Variants in INPP4A observed in about 807,000 individuals in gnomAD.
INPP4A encodes the protein inositol polyphosphate-4-phosphatase, type I, 107kD.
In INPP4A, 33 loss-of-function variants were observed where a neutral mutation model predicts 119.8. The observed-to-expected ratio is 0.28, with a 90% confidence interval of 0.21 to 0.37. The LOEUF (loss-of-function observed/expected upper bound fraction) is 0.37, where lower values mean the gene tolerates loss of function less well. Among genes scored for constraint, INPP4A ranks in the 10% least tolerant of loss-of-function variants. The pLI, the probability that INPP4A is intolerant of heterozygous loss-of-function variation, is 1.00. For missense variants in INPP4A, 956 were observed against 1,289.9 expected, an observed-to-expected ratio of 0.74 and a Z score of 3.97; for synonymous variants, 496 against 500.7, an observed-to-expected ratio of 0.99 and a Z score of 0.12.
chr2:98,590,727 TC>T lies in INPP4A; in HGVS notation c.*3122del, dbSNP rs1700343653. Reference sequence around the variant, plus strand: ...TTCTAGGCACACACGACCCGTTATCTCCCTTGGAAAAATTCCTCTCACTGGA... The same window carrying T: ...TTCTAGGCACACACGACCCGTTATCTCCTTGGAAAAATTCCTCTCACTGGA... On this transcript the variant is annotated 3_prime_UTR_variant, in exon 25 of 25. Coordinates refer to ENST00000409851, the MANE Select transcript of INPP4A (RefSeq NM_001134225.2). The T allele has an allele frequency of 4.5e-6, 1 of 221,448 alleles. No homozygotes were observed. The allele number at this position is 221,448 out of a possible 1,614,324, so 13.7% of individuals were successfully genotyped here. A position where few individuals can be genotyped will look rare whatever the true frequency, so the allele number is the denominator to read the frequency against.
At chr2:98,489,918 C>T (rs1462447145) in intron 1 of INPP4A, among the ~76,000 whole-genome samples, 5 of 134,718 alleles carry the variant, frequency 3.7e-5, no homozygotes, top group African/African-American at 1.4e-4. Flanking sequence ...CTTCTCCTTC[C>T]ATATGGGATT....
At chr2:98,560,598 G>A (rs1160660008) in intron 17 of INPP4A, among the ~76,000 whole-genome samples, 1 of 152,194 alleles carries the variant, frequency 6.6e-6, no homozygotes, top group Non-Finnish European at 1.5e-5. Flanking sequence ...CACCCCCTTG[G>A]ACCCTCAAGG....
chr2:98,496,116 A>G (rs1681885943), intron 1 of INPP4A, among the ~76,000 whole-genome samples: 1 of 152,102 alleles, frequency 6.6e-6, no homozygotes, highest in South Asian at 2.1e-4. Flanking sequence ...ATGCTGGTCA[A>G]TTGTGCCTAA....
At chr2:98,542,950 GTC>G (rs1491426760) in intron 10 of INPP4A, among the ~76,000 whole-genome samples, 1 of 150,308 alleles carries the variant, frequency 6.7e-6, no homozygotes, top group Non-Finnish European at 1.5e-5. Flanking sequence ...TTGAGATGGA[GTC>G]TCTATTGCCT....
At chr2:98,457,556 TG>T (rs1696338267) in intron 1 of INPP4A, among the ~76,000 whole-genome samples, 2 of 152,238 alleles carry the variant, frequency 1.3e-5, no homozygotes, top group Non-Finnish European at 2.9e-5. Flanking sequence ...GTGTTTGTCA[TG>T]GGAACTAGCA....
chr2:98,506,534 A>T (rs1393932066), intron 1 of INPP4A, among the ~76,000 whole-genome samples: 4 of 152,210 alleles, frequency 2.6e-5, no homozygotes, highest in African/African-American at 9.7e-5. Flanking sequence ...TTACCTACAG[A>T]GACCTCTAGA....
At chr2:98,450,495 G>A (rs796359182) in intron 1 of INPP4A, among the ~76,000 whole-genome samples, 4 of 152,310 alleles carry the variant, frequency 2.6e-5, no homozygotes, top group African/African-American at 9.6e-5. Flanking sequence ...CTCTGGTGCT[G>A]CACTTTCTGT....
Position 98,520,071 on chromosome 2 carries a change from C to T in INPP4A, c.23C>T (p.Pro8Leu). 6.3e-7 allele frequency: 1 copy of T among 1,583,810 alleles called. No homozygotes were observed. Among genetic ancestry groups the T allele is most frequent in the Non-Finnish European group, 8.6e-7 (1 of 1,163,612 alleles). The change falls in exon 3 of 25, where the codon CCT (proline) becomes CTT (leucine). Residue 8 changes from proline to leucine, a missense_variant. Physicochemically the swap from Pro to Leu is moderately conservative, Grantham distance 98 (BLOSUM62 -3). Coordinates refer to ENST00000409851, the MANE Select transcript of INPP4A (RefSeq NM_001134225.2). Reference protein sequence around the residue: MTAREHSPRHGARARAMQ... With the variant: MTAREHSLRHGARARAMQ... The stretch of plus-strand genomic sequence containing the variant: ...ATCATGACAGCAAGAGAGCACAGCC[C>T]TCGCCATGGTGCCAGGGCCCGTGCA...
intron 24 of INPP4A, 54 bp from the exon 25 acceptor site, chr2:98,587,421 CT>C (rs1361120680): frequency 6.7e-7 from 1 of 1,487,322 alleles, no homozygotes; most frequent in Non-Finnish European, 9.0e-7. Flanking sequence ...TAGTTTAAGT[CT>C]TTTCTTTTTT....
At chr2:98,497,773 T>C (rs959795550) in intron 1 of INPP4A, among the ~76,000 whole-genome samples, 2 of 152,220 alleles carry the variant, frequency 1.3e-5, no homozygotes, top group Non-Finnish European at 2.9e-5. Context: ...AGCCCACCTC[T>C]TGCATCAGCA....
chr2:98,457,162 C>T (rs1337726915), intron 1 of INPP4A, among the ~76,000 whole-genome samples: 1 of 152,138 alleles, frequency 6.6e-6, no homozygotes, highest in African/African-American at 2.4e-5. Flanking sequence ...ATGTCCCAGC[C>T]CAGACACTCA....
Position 98,579,057 on chromosome 2 carries a change from CT to C in INPP4A, c.2786+1927del, listed in dbSNP as rs1190221769. ...ATGTAGACCTTATCACTTTTTTTTT[CT>C]TTTTTTTTTTTTGAGATGGAATCTT... is the stretch of plus-strand genomic sequence containing the variant. On this transcript the variant is annotated intron_variant, in intron 24 of 24. Transcript: ENST00000409851. Among the ~76,000 whole-genome samples the C allele has an allele frequency of 7.9e-3, 1,124 of 142,592 alleles. 15 individuals carry two copies. The highest frequency in any genetic ancestry group is 0.024 in the African/African-American group (923 of 39,142). 93.5% of individuals were successfully genotyped at this position (142,592 alleles called of 152,430 possible). A position where few individuals can be genotyped will look rare whatever the true frequency, so the allele number is the denominator to read the frequency against.
intron 1 of INPP4A, among the ~76,000 whole-genome samples, chr2:98,453,447 C>T (rs1167608410): frequency 6.6e-6 from 1 of 152,150 alleles, no homozygotes; most frequent in African/African-American, 2.4e-5. Context: ...GGTAAAACAT[C>T]TAGTTATTCA....
chr2:98,510,151 TGGGGTACTAA>T (rs2105523365), intron 1 of INPP4A, among the ~76,000 whole-genome samples: 1 of 152,262 alleles, frequency 6.6e-6, no homozygotes, highest in Non-Finnish European at 1.5e-5. Flanking sequence ...GTATGGGAGT[TGGGGTACTAA>T]GGGAGTTGAA....
intron 20 of INPP4A, 130 bp from the exon 21 acceptor site, chr2:98,565,899 G>C: frequency 6.7e-7 from 1 of 1,500,428 alleles, no homozygotes; most frequent in South Asian, 1.2e-5. Context: ...CCCTAGGTTA[G>C]TGCCACTCCC....
chr2:98,555,363 G>A (rs191773796), intron 15 of INPP4A, among the ~76,000 whole-genome samples, 190 bp from the exon 16 acceptor site: 10 of 152,332 alleles, frequency 6.6e-5, no homozygotes, highest in Admixed American at 4.6e-4. Flanking sequence ...GCAGGACATC[G>A]ATTCATCGTT....
Position 98,546,495 on chromosome 2 carries a change from T to G in INPP4A, c.1055-91T>G. ...GGCTGTACAGCAGTGGGCTGGAGGG[T>G]CAGGACCCCAGACTTGTGTGCATAT... is the stretch of plus-strand genomic sequence containing the variant. On this transcript the variant is annotated intron_variant, in intron 12 of 24. Coordinates refer to ENST00000409851, the MANE Select transcript of INPP4A (RefSeq NM_001134225.2). The surrounding 1 kb of genome is among the most constrained non-coding windows in gnomAD (Gnocchi z 4.2). 2.3e-6 allele frequency: 2 copies of G among 852,428 alleles called. No individual in the cohort carries two copies. The highest frequency in any genetic ancestry group is 2.5e-5 in the East Asian group (1 of 39,978). The allele number at this position is 852,428 out of a possible 1,614,324, so 52.8% of individuals were successfully genotyped here. A position where few individuals can be genotyped will look rare whatever the true frequency, so the allele number is the denominator to read the frequency against.
chr2:98,553,266 T>C (rs1693863937), intron 14 of INPP4A, among the ~76,000 whole-genome samples: 1 of 152,138 alleles, frequency 6.6e-6, no homozygotes, highest in Non-Finnish European at 1.5e-5. Flanking sequence ...ACAGTTCCAC[T>C]TCTTTCTCAG....
At chr2:98,450,268 A>G (rs1403383123) in intron 1 of INPP4A, among the ~76,000 whole-genome samples, 3 of 152,172 alleles carry the variant, frequency 2.0e-5, no homozygotes, top group Non-Finnish European at 4.4e-5. Context: ...CTCAACTGGG[A>G]CTAAAACCCA....
Sources: allele counts gnomAD v4.1 joint callset (sites outside exome capture counted in the v4.1 genomes callset), GRCh38; gene constraint gnomAD v4.1.1; non-coding constraint Gnocchi (gnomAD v3.1); transcripts MANE v1.5; gene names NCBI Gene and HGNC (gene_info 2026-07-23, HGNC 2026-07-21).